The following ATP2A3 variants were observed in gnomAD, a reference collection of about 807,000 sequenced individuals.
ATP2A3 encodes ATPase sarcoplasmic/endoplasmic reticulum Ca2+ transporting 3.
In ATP2A3, 61 loss-of-function variants were observed where a neutral mutation model predicts 106.8. The ratio of observed to expected loss-of-function variants is 0.57; its 90% CI spans 0.46 to 0.71. The LOEUF (loss-of-function observed/expected upper bound fraction) is 0.71, where lower values mean the gene tolerates loss of function less well. ATP2A3 is among the 30% of genes least tolerant of loss of function. The probability of loss-of-function intolerance (pLI) is 0.00; values close to 1 mark genes in which losing one functional copy is unlikely to be tolerated. For synonymous variants in ATP2A3, 611 were observed against 609.3 expected (o/e 1.00, Z -0.04); for missense variants, 1,201 against 1,423.5 (o/e 0.84, Z 2.52).
rs1049865129 is a variant in ATP2A3 at position 3,925,267 on chromosome 17, C to T, written c.*155G>A. The T allele has an allele frequency of 1.2e-4, 158 of 1,281,518 alleles. No homozygotes were observed. Among genetic ancestry groups the T allele is most frequent in the Admixed American group, 5.5e-4 (28 of 51,020 alleles). 79.4% of individuals were successfully genotyped at this position (1,281,518 alleles called of 1,614,324 possible). On this transcript the variant is annotated 3_prime_UTR_variant, in exon 21 of 21. Transcript: ENST00000397041. This position sits in a 1 kb window ranked among gnomAD's most constrained non-coding sequence, Gnocchi z 4.2. ...GGGACAGAGACCCCAGGACGGGGCC[C>T]GGGGATGGCCATTCTGACCTCGGGC...
In ATP2A3 at chr17:3,937,486, G is replaced by A. The variant is rs1253775760; in HGVS notation, c.2251C>T (p.Arg751Trp). 1.9e-6 allele frequency: 3 copies of A among 1,614,132 alleles called. No individual in the cohort carries two copies. The highest frequency in any genetic ancestry group is 2.5e-6 in the Non-Finnish European group (3 of 1,180,016). The change falls in exon 15 of 21, where the codon CGG (arginine) becomes TGG (tryptophan). Residue 751 changes from arginine (R) to tryptophan (W), a missense_variant. Arg to Trp is a moderately radical substitution (Grantham distance 101, BLOSUM62 -3). This residue lies in a region of ATP2A3 where 935 missense variants were observed against 1,176.7 expected (regional missense o/e 0.79). Transcript: ENST00000397041. ...TGCTTCATGTTGCTGTAGATGGCCC[G>A]GCCCTCCTCCACCGCAGCCACGATG... ...ASIVAAVEEG[R>W]AIYSNMKQFI...
In ATP2A3 at chr17:3,928,399, G is replaced by T. The variant is rs2052838864; in HGVS notation, c.2980+264C>A. ...GCCCTGGCCATGTAGGGGGTGGCAGGTGAAGACAGTGAGGCAGTGTGGCCC... is the reference window on the plus strand; with the variant it reads ...GCCCTGGCCATGTAGGGGGTGGCAGTTGAAGACAGTGAGGCAGTGTGGCCC... On this transcript the variant is annotated intron_variant, in intron 20 of 20. Coordinates refer to ENST00000397041, the MANE Select transcript of ATP2A3 (RefSeq NM_005173.4). This position sits in a 1 kb window ranked among gnomAD's most constrained non-coding sequence, Gnocchi z 6.1. 1 of 1,413,274 alleles carries T rather than the reference G, an allele frequency of 7.1e-7. No individual in the cohort carries two copies. The highest frequency in any genetic ancestry group is 9.9e-7 in the Non-Finnish European group (1 of 1,014,916). The allele number at this position is 1,413,274 out of a possible 1,614,324, so 87.5% of individuals were successfully genotyped here. A position where few individuals can be genotyped will look rare whatever the true frequency, so the allele number is the denominator to read the frequency against.
At chr17:3,961,781 C>A (rs1434930187) in intron 1 of ATP2A3, among the ~76,000 whole-genome samples, 3 of 152,276 alleles carry the variant, frequency 2.0e-5, no homozygotes, top group East Asian at 3.9e-4. Context: ...TGTCTGTGAC[C>A]TCACTAAAGA....
At chr17:3,943,356 T>C (rs769794468) in intron 11 of ATP2A3, 35 bp downstream of exon 11, 5 of 1,610,570 alleles carry the variant, frequency 3.1e-6, no homozygotes, top group Middle Eastern at 1.7e-4. Flanking sequence ...GCCCCAGCCA[T>C]GCAGCCGGAG....
chr17:3,928,349 G>T lies in ATP2A3; in HGVS notation c.2980+314C>A. 6.2e-7 allele frequency: 1 copy of T among 1,605,880 alleles called. No homozygotes were observed. The highest frequency in any genetic ancestry group is 1.3e-5 in the African/African-American group (1 of 74,882). On this transcript the variant is annotated intron_variant, in intron 20 of 20. Transcript: ENST00000397041. This position sits in a 1 kb window ranked among gnomAD's most constrained non-coding sequence, Gnocchi z 6.1. The stretch of plus-strand genomic sequence containing the variant: ...CAGGCTGGGTGCAGAGGGGTCAGAG[G>T]CTGAGGCCCAGAAGAGCACACAGTG...
In ATP2A3 at chr17:3,964,226, G is replaced by A; in HGVS notation, c.66C>T (p.Gly22=). 4 of 1,276,682 alleles carry A rather than the reference G, an allele frequency of 3.1e-6. No homozygotes were observed. Among genetic ancestry groups the A allele is most frequent in the Non-Finnish European group, 4.0e-6 (4 of 999,556 alleles). 79.1% of individuals were successfully genotyped at this position (1,276,682 alleles called of 1,614,324 possible). A position where few individuals can be genotyped will look rare whatever the true frequency, so the allele number is the denominator to read the frequency against. ...CGGTCACCTGCGCCGGGCTCAGGCC[G>A]CCCTCGGCTGTCACCGAGAAGTGGC... ...VLRHFSVTAE[G]GLSPAQVTGA... is the part of the protein sequence containing the mutation. The change falls in exon 1 of 21, where the codon GGC becomes GGT. Residue 22 remains glycine (G), a synonymous_variant. Transcript: ENST00000397041.
rs570127694 is a variant in ATP2A3 at position 3,949,815 on chromosome 17, C to T, written c.630+696G>A. 1.6e-4 allele frequency among the ~76,000 whole-genome samples: 25 copies of T among 152,288 alleles called. No homozygotes were observed. The East Asian group carries it at 2.7e-3, about 16-fold the overall frequency. On this transcript the variant is annotated intron_variant, in intron 7 of 20. Coordinates refer to ENST00000397041, the MANE Select transcript of ATP2A3 (RefSeq NM_005173.4). ...AGCTATTATTATTACTATAAATTTG[C>T]ATGTATTGTCAAGAATCGATGAGGT...
Position 3,925,307 on chromosome 17 carries a change from G to T in ATP2A3, c.*115C>A. 6.3e-7 allele frequency: 1 copy of T among 1,578,232 alleles called. No homozygotes were observed. The highest frequency in any genetic ancestry group is 2.3e-5 in the East Asian group (1 of 44,410). ...TGACCTCGGGCCTGTCATTTATCCG[G>T]CGGGACCCGGTGGGCAAGTGGGCGA... On this transcript the variant is annotated 3_prime_UTR_variant, in exon 21 of 21. Coordinates refer to ENST00000397041, the MANE Select transcript of ATP2A3 (RefSeq NM_005173.4). This position sits in a 1 kb window ranked among gnomAD's most constrained non-coding sequence, Gnocchi z 4.2.
chr17:3,963,024 G>C (rs2055224629), intron 1 of ATP2A3, among the ~76,000 whole-genome samples: 1 of 152,168 alleles, frequency 6.6e-6, no homozygotes, highest in Non-Finnish European at 1.5e-5. Context: ...ACTAAATATA[G>C]CAACTAATTT....
Position 3,945,355 on chromosome 17 carries a change from G to A in ATP2A3, c.1096-207C>T, listed in dbSNP as rs761847582. The A allele has an allele frequency of 7.9e-6, 4 of 505,882 alleles. No individual in the cohort carries two copies. The Admixed American group carries it at 1.1e-4, about 13-fold the overall frequency. 31.3% of individuals were successfully genotyped at this position (505,882 alleles called of 1,614,324 possible). The stretch of plus-strand genomic sequence containing the variant: ...TGCTCTGCCAGATGTGTCCGGCTCC[G>A]GTTTGTCCCAATGTCCTGGACTTCT... On this transcript the variant is annotated intron_variant, in intron 8 of 20. Coordinates refer to ENST00000397041, the MANE Select transcript of ATP2A3 (RefSeq NM_005173.4).
rs1017675222 is a variant in ATP2A3, at chr17:3,924,763, C to T, written c.*659G>A. ...TCCTCGCTCCGCCCTCCTGCCGGCTCCTTGTGTCCGTCTCTCTGACCCTTC... is the reference window on the plus strand; with the variant it reads ...TCCTCGCTCCGCCCTCCTGCCGGCTTCTTGTGTCCGTCTCTCTGACCCTTC... On this transcript the variant is annotated 3_prime_UTR_variant, in exon 21 of 21. Transcript: ENST00000397041. The surrounding 1 kb of genome is among the most constrained non-coding windows in gnomAD (Gnocchi z 6.4). 1 of 456,594 alleles carries T rather than the reference C, an allele frequency of 2.2e-6. No homozygotes were observed. Among genetic ancestry groups the T allele is most frequent in the African/African-American group, 2.0e-5 (1 of 50,082 alleles). 28.3% of individuals were successfully genotyped at this position (456,594 alleles called of 1,614,324 possible).
At chr17:3,959,097 C>A (rs1371721843) in intron 1 of ATP2A3, among the ~76,000 whole-genome samples, 1 of 151,776 alleles carries the variant, frequency 6.6e-6, no homozygotes, top group Non-Finnish European at 1.5e-5. Flanking sequence ...GAGGTTTCAC[C>A]ATGTTGGCCA....
In ATP2A3 at chr17:3,935,341, T is replaced by C. The variant is rs1476868821; in HGVS notation, c.2525-64A>G. 7 of 1,478,894 alleles carry C rather than the reference T, an allele frequency of 4.7e-6. No homozygotes were observed. The Admixed American group carries it at 1.2e-4, about 25-fold the overall frequency. The allele number at this position is 1,478,894 out of a possible 1,614,324, so 91.6% of individuals were successfully genotyped here. On this transcript the variant is annotated intron_variant, in intron 16 of 20. Coordinates refer to ENST00000397041, the MANE Select transcript of ATP2A3 (RefSeq NM_005173.4). ...GTGGTTTTCTGGCGTCTGTTTCCCC[T>C]GCCTAATAATTCCCTGAATTCCCTG...
At chr17:3,942,577 G>T in intron 12 of ATP2A3, 29 bp downstream of exon 12, 1 of 1,604,842 alleles carries the variant, frequency 6.2e-7, no homozygotes. Context: ...GGGCGCGCAG[G>T]GGCCCAGGCC....
chr17:3,959,962 G>A (rs1195205277), intron 1 of ATP2A3, among the ~76,000 whole-genome samples: 2 of 152,228 alleles, frequency 1.3e-5, no homozygotes, highest in African/African-American at 4.8e-5. Context: ...GCCCAGCTGG[G>A]CAGGCCTGAT....
intron 14 of ATP2A3, among the ~76,000 whole-genome samples, chr17:3,938,017 G>A (rs1023500306): frequency 1.3e-5 from 2 of 152,248 alleles, no homozygotes; most frequent in Non-Finnish European, 2.9e-5. Flanking sequence ...GGGATGGCCC[G>A]GGTAAAGAGC....
rs1455078981 is a variant in ATP2A3, at chr17:3,925,327, G to T, written c.*95C>A. ...ATCCGGCGGGACCCGGTGGGCAAGT[G>T]GGCGAGTGTGGTGGCAAGGGTGGGG... On this transcript the variant is annotated 3_prime_UTR_variant, in exon 21 of 21. Coordinates refer to ENST00000397041, the MANE Select transcript of ATP2A3 (RefSeq NM_005173.4). This position sits in a 1 kb window ranked among gnomAD's most constrained non-coding sequence, Gnocchi z 4.2. 4 of 1,605,718 alleles carry T rather than the reference G, an allele frequency of 2.5e-6. No homozygotes were observed. The East Asian group carries it at 6.7e-5, about 27-fold the overall frequency.
chr17:3,959,725 C>T (rs567692928), intron 1 of ATP2A3, among the ~76,000 whole-genome samples: 1 of 152,248 alleles, frequency 6.6e-6, no homozygotes, highest in Non-Finnish European at 1.5e-5. Context: ...ACCCGCCCAG[C>T]CCACCTGGCC....
Position 3,924,960 on chromosome 17 carries a change from A to G in ATP2A3, c.*462T>C, listed in dbSNP as rs2144150142. 2.5e-6 allele frequency: 1 copy of G among 405,304 alleles called. No homozygotes were observed. The highest frequency in any genetic ancestry group is 3.7e-4 in the Middle Eastern group (1 of 2,738). 25.1% of individuals were successfully genotyped at this position (405,304 alleles called of 1,614,324 possible). Reference sequence around the variant, plus strand: ...ACCCAGTCCCAGACCAGGCACGAAGAGAGAGGTCAGAGCCGGTAAGAAGGA... The same window carrying G: ...ACCCAGTCCCAGACCAGGCACGAAGGGAGAGGTCAGAGCCGGTAAGAAGGA... On this transcript the variant is annotated 3_prime_UTR_variant, in exon 21 of 21. Transcript: ENST00000397041. This position sits in a 1 kb window ranked among gnomAD's most constrained non-coding sequence, Gnocchi z 6.4.
Sources: gnomAD v4.1 joint callset for allele counts (sites outside exome capture counted in the v4.1 genomes callset) on GRCh38, gnomAD v4.1.1 for gene constraint, gnomAD v4.1.1 regional missense constraint, Gnocchi (gnomAD v3.1) non-coding constraint, MANE v1.5 for transcripts, NCBI Gene and HGNC (gene_info 2026-07-23, HGNC 2026-07-21) for gene names.